DSCAM: variants seen among roughly 807,000 people sequenced by gnomAD.
DSCAM encodes DS cell adhesion molecule.
A neutral mutation model predicts 217.7 loss-of-function variants in DSCAM; 47 were observed. The observed-to-expected ratio is 0.22, with a 90% CI of 0.17 to 0.28. The LOEUF (loss-of-function observed/expected upper bound fraction) is 0.28. DSCAM is among the 10% of genes least tolerant of loss of function. DSCAM has a pLI of 1.00. For missense variants in DSCAM, 2,080 were observed against 2,618.3 expected (o/e 0.79, Z 4.49); for synonymous variants, 1,056 against 1,015.3 (o/e 1.04, Z -0.76).
chr21:40,137,388 C>T (rs1427719984), intron 18 of DSCAM, among the ~76,000 whole-genome samples: 2 of 151,854 alleles, frequency 1.3e-5, no homozygotes, highest in Non-Finnish European at 2.9e-5. Flanking sequence ...TCTGCTAGAA[C>T]GCCTCATAGG....
chr21:40,715,825 C>G (rs1462645140), intron 1 of DSCAM, among the ~76,000 whole-genome samples: 1 of 151,982 alleles, frequency 6.6e-6, no homozygotes, highest in African/African-American at 2.4e-5. Context: ...CATTATTTTT[C>G]TATCAACCCG....
intron 1 of DSCAM, among the ~76,000 whole-genome samples, chr21:40,732,894 C>G (rs1232955847): frequency 1.3e-5 from 2 of 152,218 alleles, no homozygotes; most frequent in Non-Finnish European, 2.9e-5. Flanking sequence ...TTCAGAGTCT[C>G]TGCTTTTCTA....
intron 1 of DSCAM, among the ~76,000 whole-genome samples, chr21:40,824,662 G>A (rs2091954216): frequency 6.6e-6 from 1 of 151,952 alleles, no homozygotes; most frequent in African/African-American, 2.4e-5. Flanking sequence ...CAATCTTCCT[G>A]CCTTGGCCCC....
intron 3 of DSCAM, among the ~76,000 whole-genome samples, chr21:40,459,969 C>T (rs2075793332): frequency 6.6e-6 from 1 of 152,174 alleles, no homozygotes; most frequent in African/African-American, 2.4e-5. Flanking sequence ...GAGATCATGT[C>T]CTTTGCTGGG....
At chr21:40,015,712 C>T (rs147009207) in intron 32 of DSCAM, among the ~76,000 whole-genome samples, 215 of 152,312 alleles carry the variant, frequency 1.4e-3, no homozygotes, top group African/African-American at 4.8e-3. Flanking sequence ...ACTGGGATTA[C>T]AGACATGAGC....
intron 11 of DSCAM, among the ~76,000 whole-genome samples, chr21:40,258,691 C>G (rs2073407227): frequency 6.6e-6 from 1 of 152,252 alleles, no homozygotes. Flanking sequence ...CTGGTCCAAA[C>G]AAGCATTAGG....
intron 1 of DSCAM, among the ~76,000 whole-genome samples, chr21:40,772,317 C>G (rs1019960423): frequency 6.6e-6 from 1 of 152,082 alleles, no homozygotes; most frequent in Non-Finnish European, 1.5e-5. Flanking sequence ...TACAGGCACC[C>G]GTCACCGTGC....
At chr21:40,127,175 C>T (rs1656122490) in intron 19 of DSCAM, among the ~76,000 whole-genome samples, 1 of 152,160 alleles carries the variant, frequency 6.6e-6, no homozygotes, top group South Asian at 2.1e-4. Flanking sequence ...TTATTGTTCT[C>T]TGTACAGTAA....
intron 3 of DSCAM, among the ~76,000 whole-genome samples, chr21:40,632,569 T>C (rs1177065427): frequency 6.6e-6 from 1 of 152,236 alleles, no homozygotes; most frequent in Admixed American, 6.5e-5. Flanking sequence ...ATGCTGGTTA[T>C]TATCATTGTT....
At chr21:40,067,782 C>A (rs2089233551) in intron 27 of DSCAM, among the ~76,000 whole-genome samples, 1 of 118,876 alleles carries the variant, frequency 8.4e-6, no homozygotes, top group Admixed American at 1.1e-4. Flanking sequence ...CCCTTCCTTC[C>A]TTCCTTCTTT....
chr21:40,460,154 G>A (rs1305866610), intron 3 of DSCAM, among the ~76,000 whole-genome samples: 1 of 152,132 alleles, frequency 6.6e-6, no homozygotes, highest in Admixed American at 6.5e-5. Flanking sequence ...AGAGCATCAG[G>A]ATAAATAGCT....
rs746238374 is a variant in DSCAM, at chr21:40,078,979, T to TGG, written c.4421-4_4421-3dup. On this transcript the variant is annotated splice_region_variant and splice_polypyrimidine_tract_variant and intron_variant, in intron 25 of 32. Transcript: ENST00000400454. ...CCTGCTCCTTTGAGAACTGGGGCTC[T>TGG]GGGGGAGAAGGCACATGGAGGTCAG... The TGG allele has an allele frequency of 9.9e-6, 16 of 1,612,960 alleles. No homozygotes were observed. The East Asian group carries it at 3.6e-4, about 36-fold the overall frequency.
chr21:40,357,593 A>T (rs527717768), intron 4 of DSCAM, among the ~76,000 whole-genome samples: 1 of 152,328 alleles, frequency 6.6e-6, no homozygotes, highest in East Asian at 1.9e-4. Flanking sequence ...AATCACATCC[A>T]AGATAATATG....
chr21:40,656,451 T>C (rs2090077475), intron 3 of DSCAM, among the ~76,000 whole-genome samples: 1 of 151,836 alleles, frequency 6.6e-6, no homozygotes, highest in Non-Finnish European at 1.5e-5. Flanking sequence ...ACAAGCTGTG[T>C]GTGTTATTTC....
At chr21:40,838,088 T>C (rs1223983613) in intron 1 of DSCAM, among the ~76,000 whole-genome samples, 2 of 152,214 alleles carry the variant, frequency 1.3e-5, no homozygotes, top group Non-Finnish European at 2.9e-5. Flanking sequence ...GTTTCCTTAT[T>C]ATATAGGAAA....
chr21:40,577,392 C>T (rs934980462), intron 3 of DSCAM, among the ~76,000 whole-genome samples: 4 of 152,244 alleles, frequency 2.6e-5, no homozygotes, highest in Non-Finnish European at 4.4e-5. Flanking sequence ...ACACGGTAGT[C>T]GATCCGCTCT....
intron 3 of DSCAM, among the ~76,000 whole-genome samples, chr21:40,403,547 C>T (rs930946950): frequency 1.3e-4 from 19 of 151,792 alleles, no homozygotes; most frequent in African/African-American, 4.6e-4. Context: ...CTTATACAGC[C>T]GATTTCTTAC....
chr21:40,599,360 T>C (rs1239271742), intron 3 of DSCAM, among the ~76,000 whole-genome samples: 1 of 152,130 alleles, frequency 6.6e-6, no homozygotes, highest in Non-Finnish European at 1.5e-5. Context: ...ATCCTAATGC[T>C]CTCCCTCCCT....
intron 19 of DSCAM, among the ~76,000 whole-genome samples, chr21:40,132,108 G>A (rs542097117): frequency 2.0e-5 from 3 of 152,136 alleles, no homozygotes; most frequent in Non-Finnish European, 4.4e-5. Flanking sequence ...TTGCATTATT[G>A]CCTAGCAATG....
Sources: gnomAD v4.1 joint callset for allele counts (sites outside exome capture counted in the v4.1 genomes callset) on GRCh38, gnomAD v4.1.1 for gene constraint, MANE v1.5 for transcripts, NCBI Gene and HGNC (gene_info 2026-07-23, HGNC 2026-07-21) for gene names.